Variants in CNGB1 observed in about 807,000 individuals in gnomAD.
The protein encoded by CNGB1 is cyclic nucleotide-gated channel beta-1.
CNGB1 carries 126 observed loss-of-function variants against 151.7 expected under a neutral mutation model. The ratio of observed to expected loss-of-function variants is 0.83; its 90% CI spans 0.72 to 0.96. The LOEUF (loss-of-function observed/expected upper bound fraction) is 0.96. CNGB1 is among the 40% of genes least tolerant of loss of function. The probability of loss-of-function intolerance (pLI) is 0.00; values close to 1 mark genes in which losing one functional copy is unlikely to be tolerated. For missense variants in CNGB1, 1,698 were observed against 1,627.0 expected, an observed-to-expected ratio of 1.04 and a Z score of -0.75; for synonymous variants, 623 against 635.1, an observed-to-expected ratio of 0.98 and a Z score of 0.29.
chr16:57,955,426 G>A, intron 12 of CNGB1: 1 of 1,318,550 alleles, frequency 7.6e-7, no homozygotes, highest in South Asian at 1.3e-5. Flanking sequence ...GGGAATGAGT[G>A]AGTGAGTGAG....
intron 2 of CNGB1, among the ~76,000 whole-genome samples, chr16:57,966,468 A>C (rs985570471): frequency 9.2e-5 from 14 of 152,248 alleles, no homozygotes; most frequent in Non-Finnish European, 1.9e-4. Context: ...AATACTCCAC[A>C]GTGTGGTCCA....
At position 57,897,894 on chromosome 16, in the gene CNGB1, C is replaced by T; in HGVS notation, c.2997G>A (p.Met999Ile). 1.9e-6 allele frequency: 3 copies of T among 1,614,240 alleles called. No individual in the cohort carries two copies. Among genetic ancestry groups the T allele is most frequent in the Non-Finnish European group, 1.7e-6 (2 of 1,180,038 alleles). ...VCKKGEIGRE[M>I]YIIQAGQVQV... ...GCACTTGCCCTGCCTGGATGATGTA[C>T]ATCTCACGGCCGATCTCCCCCTGAA... is the stretch of plus-strand genomic sequence containing the variant. Residue 999 changes from methionine to isoleucine, a missense_variant, in exon 30 of 33, where the codon ATG becomes ATA. Physicochemically the swap from Met to Ile is conservative, Grantham distance 10. Coordinates refer to ENST00000251102, the MANE Select transcript of CNGB1 (RefSeq NM_001297.5).
At chr16:57,919,322 G>A (rs1960965817) in intron 19 of CNGB1, 68 bp from the exon 20 acceptor site, 3 of 1,612,068 alleles carry the variant, frequency 1.9e-6, no homozygotes, top group Middle Eastern at 4.1e-4. Context: ...AGAGAGAAGG[G>A]TCCCAACTGC....
intron 14 of CNGB1, among the ~76,000 whole-genome samples, chr16:57,941,394 A>C (rs1193261983): frequency 6.6e-6 from 1 of 152,182 alleles, no homozygotes; most frequent in Non-Finnish European, 1.5e-5. Context: ...CTCCTGAGCA[A>C]GGACGGTGGG....
chr16:57,969,048 G>A (rs914807641), intron 1 of CNGB1, among the ~76,000 whole-genome samples: 3 of 152,112 alleles, frequency 2.0e-5, no homozygotes, highest in African/African-American at 7.2e-5. Context: ...GCTCACGCCT[G>A]TAATCCCAGC....
At chr16:57,940,896 C>A (rs1308626625) in intron 14 of CNGB1, among the ~76,000 whole-genome samples, 1 of 152,048 alleles carries the variant, frequency 6.6e-6, no homozygotes, top group Non-Finnish European at 1.5e-5. Context: ...GGGTGCCGGG[C>A]CCAAGCAGCA....
At chr16:57,950,685 C>G in intron 12 of CNGB1, 145 bp from the exon 13 acceptor site, 1 of 789,966 alleles carries the variant, frequency 1.3e-6, no homozygotes, top group Admixed American at 2.1e-5. Flanking sequence ...TGGCACTTTC[C>G]ATTTTCAGCG....
intron 24 of CNGB1, 50 bp from the exon 25 acceptor site, chr16:57,911,925 G>C: frequency 6.2e-7 from 1 of 1,607,400 alleles, no homozygotes; most frequent in Non-Finnish European, 8.5e-7. Context: ...GGGGAGGTGA[G>C]GTATAGACAC....
At position 57,919,053 on chromosome 16, in the gene CNGB1, G is replaced by A. The variant is rs751247953; in HGVS notation, c.1957+46C>T. 6.8e-6 allele frequency: 11 copies of A among 1,613,596 alleles called. No individual in the cohort carries two copies. In the South Asian group the frequency reaches 1.2e-4, roughly 18 times the overall value. On this transcript the variant is annotated intron_variant, in intron 20 of 32. Transcript: ENST00000251102. The stretch of plus-strand genomic sequence containing the variant: ...CTCCCCATCCCGCTCCAACTCTCCT[G>A]CTCTCTCATCTTACACAGTGGGAAC...
At position 57,884,145 on chromosome 16, in the gene CNGB1, G is replaced by T; in HGVS notation, c.*19C>A. 6.2e-7 allele frequency: 1 copy of T among 1,613,968 alleles called. No homozygotes were observed. The highest frequency in any genetic ancestry group is 8.5e-7 in the Non-Finnish European group (1 of 1,179,896). On this transcript the variant is annotated 3_prime_UTR_variant, in exon 33 of 33. Transcript: ENST00000251102. Reference sequence around the variant, plus strand: ...GACACACCTGCTGGAACTGCGCGCGGGATCCGCCTCACCCCACCTTACTCC... The same window carrying T: ...GACACACCTGCTGGAACTGCGCGCGTGATCCGCCTCACCCCACCTTACTCC...
At chr16:57,940,208 G>T (rs1321646284) in intron 15 of CNGB1, 26 bp downstream of exon 15, 4 of 1,546,606 alleles carry the variant, frequency 2.6e-6, no homozygotes, top group African/African-American at 2.7e-5. Context: ...GGCCTCAGAG[G>T]TGCCAGTGCC....
In CNGB1 at chr16:57,897,551, A is replaced by T. The variant is rs1381514210; in HGVS notation, c.3096-8T>A. 6.2e-7 allele frequency: 1 copy of T among 1,613,922 alleles called. No homozygotes were observed. The highest frequency in any genetic ancestry group is 1.7e-5 in the Admixed American group (1 of 60,018). ...CCCCCAACAGCCAGCAAGCTGGGGCAGAGAAGGGAGGAAGGAGGCCCTTCA... is the reference window on the plus strand; with the variant it reads ...CCCCCAACAGCCAGCAAGCTGGGGCTGAGAAGGGAGGAAGGAGGCCCTTCA... On this transcript the variant is annotated splice_polypyrimidine_tract_variant and splice_region_variant and intron_variant, in intron 30 of 32. Transcript: ENST00000251102.
At chr16:57,897,365 A>AT (rs767907011) in intron 31 of CNGB1, 32 bp downstream of exon 31, 1 of 1,613,386 alleles carries the variant, frequency 6.2e-7, no homozygotes, top group Non-Finnish European at 8.5e-7. Context: ...GTCCTTAGCA[A>AT]TTTTTTATTA....
At chr16:57,898,256 G>T (rs1960288824) in intron 29 of CNGB1, among the ~76,000 whole-genome samples, 1 of 152,198 alleles carries the variant, frequency 6.6e-6, no homozygotes, top group South Asian at 2.1e-4. Context: ...ACTGATGGAG[G>T]CAGGGCAAAT....
rs375080965 is a variant in CNGB1 at position 57,962,923 on chromosome 16, C to T, written c.381+51G>A. On this transcript the variant is annotated intron_variant, in intron 5 of 32. Coordinates refer to ENST00000251102, the MANE Select transcript of CNGB1 (RefSeq NM_001297.5). Reference sequence around the variant, plus strand: ...GGGCAGGGAGCCCAAGGGCAGCCTCCCCACAGCCCCTCTCCAACCCGGCCC... The same window carrying T: ...GGGCAGGGAGCCCAAGGGCAGCCTCTCCACAGCCCCTCTCCAACCCGGCCC... 5.6e-6 allele frequency: 9 copies of T among 1,612,118 alleles called. No homozygotes were observed. In the Admixed American group the frequency reaches 1.2e-4, roughly 21 times the overall value.
At chr16:57,941,439 G>T (rs1453205129) in intron 14 of CNGB1, among the ~76,000 whole-genome samples, 1 of 152,226 alleles carries the variant, frequency 6.6e-6, no homozygotes, top group Non-Finnish European at 1.5e-5. Flanking sequence ...TGCCTAGTCG[G>T]TCTGGAGCCA....
intron 10 of CNGB1, 110 bp from the exon 11 acceptor site, chr16:57,958,595 C>G (rs73545176): frequency 0.094 from 89,134 of 947,204 alleles, 4,650 homozygotes; most frequent in South Asian, 0.11. Flanking sequence ...AAAGGCAGAG[C>G]CTGCCAGGAG....
At chr16:57,908,233 C>A (rs1483379072) in intron 25 of CNGB1, among the ~76,000 whole-genome samples, 1 of 152,242 alleles carries the variant, frequency 6.6e-6, no homozygotes, top group Non-Finnish European at 1.5e-5. Flanking sequence ...CGGGGCAGGG[C>A]TCATGGCAGA....
intron 14 of CNGB1, among the ~76,000 whole-genome samples, chr16:57,947,130 G>A (rs981777003): frequency 1.3e-5 from 2 of 152,182 alleles, no homozygotes; most frequent in Non-Finnish European, 2.9e-5. Flanking sequence ...TGTCTGTGTT[G>A]GTGTGCTGGT....
Sources: gnomAD v4.1 joint callset for allele counts (sites outside exome capture counted in the v4.1 genomes callset) on GRCh38, gnomAD v4.1.1 for gene constraint, MANE v1.5 for transcripts, NCBI Gene and HGNC (gene_info 2026-07-23, HGNC 2026-07-21) for gene names.